BICRAL: variants seen among roughly 807,000 people sequenced by gnomAD.
The protein encoded by BICRAL is BRD4-interacting chromatin-remodeling complex-associated protein-like.
Under a neutral mutation model 91.8 loss-of-function variants are expected in BICRAL, and 8 were observed. The observed-to-expected ratio is 0.09, with a 90% CI of 0.05 to 0.16. The LOEUF (loss-of-function observed/expected upper bound fraction) is 0.16, where lower values mean the gene tolerates loss of function less well. BICRAL is among the 10% of genes least tolerant of loss of function. The probability of loss-of-function intolerance (pLI) is 1.00; values close to 1 mark genes in which losing one functional copy is unlikely to be tolerated. For synonymous variants in BICRAL, 445 were observed against 491.1 expected (o/e 0.91, Z 1.24); for missense variants, 1,038 against 1,310.9 (o/e 0.79, Z 3.21).
chr6:42,747,811 T>G (rs55699781), intron 1 of BICRAL, among the ~76,000 whole-genome samples: 36 of 148,956 alleles, frequency 2.4e-4, no homozygotes, highest in South Asian at 4.2e-4. Flanking sequence ...TTTTGTTTTT[T>G]TTTTTTTTTT....
At chr6:42,839,532 C>T (rs1764728281) in intron 6 of BICRAL, among the ~76,000 whole-genome samples, 1 of 152,022 alleles carries the variant, frequency 6.6e-6, no homozygotes, top group Non-Finnish European at 1.5e-5. Flanking sequence ...AGCCCTCATA[C>T]TCCCTCAGCT....
Position 42,865,480 on chromosome 6 carries a change from C to T in BICRAL, c.*34C>T. The T allele has an allele frequency of 8.4e-7, 1 of 1,197,156 alleles. No individual in the cohort carries two copies. Among genetic ancestry groups the T allele is most frequent in the Non-Finnish European group, 1.2e-6 (1 of 857,566 alleles). The allele number at this position is 1,197,156 out of a possible 1,614,324, so 74.2% of individuals were successfully genotyped here. A position where few individuals can be genotyped will look rare whatever the true frequency, so the allele number is the denominator to read the frequency against. ...GTCCTCCCCCTACCCCGCCCCGAGA[C>T]CCCACCCCGAGACCCCACCCCGGAC... On this transcript the variant is annotated 3_prime_UTR_variant, in exon 13 of 13. Coordinates refer to ENST00000314073, the MANE Select transcript of BICRAL (RefSeq NM_001393499.1).
intron 11 of BICRAL, among the ~76,000 whole-genome samples, chr6:42,861,801 C>T (rs139353020): frequency 0.012 from 1,720 of 144,970 alleles, 21 homozygotes; most frequent in African/African-American, 0.041. Flanking sequence ...GAGTTTGAGA[C>T]CAGCCTGGCC....
chr6:42,758,579 G>C (rs530594139), intron 1 of BICRAL, among the ~76,000 whole-genome samples: 24 of 152,296 alleles, frequency 1.6e-4, no homozygotes, highest in African/African-American at 5.5e-4. Flanking sequence ...GATAATTACA[G>C]TGTGGTACGA....
At position 42,825,394 on chromosome 6, in the gene BICRAL, C is replaced by G. The variant is rs201350784; in HGVS notation, c.159+2391C>G. Among the ~76,000 whole-genome samples, 13 of 151,022 alleles carry G rather than the reference C, an allele frequency of 8.6e-5. No homozygotes were observed. In the East Asian group the frequency reaches 2.5e-3, roughly 30 times the overall value. ...CCTGGCTAACACGGTGAAACCCTGT[C>G]TCTACTAAAAATACAAAAAAATTAG... On this transcript the variant is annotated intron_variant, in intron 5 of 12. Transcript: ENST00000314073.
intron 1 of BICRAL, among the ~76,000 whole-genome samples, chr6:42,800,225 C>T (rs1763526496): frequency 1.3e-5 from 2 of 152,220 alleles, no homozygotes; most frequent in African/African-American, 4.8e-5. Flanking sequence ...CCACCATGCC[C>T]AGCTAATTTT....
intron 6 of BICRAL, among the ~76,000 whole-genome samples, chr6:42,830,767 C>T (rs1272273570): frequency 6.6e-6 from 1 of 152,056 alleles, no homozygotes; most frequent in Non-Finnish European, 1.5e-5. Context: ...AAGCACATAC[C>T]AGCACACCTA....
chr6:42,786,545 C>T (rs974041869), intron 1 of BICRAL, among the ~76,000 whole-genome samples: 3 of 152,024 alleles, frequency 2.0e-5, no homozygotes, highest in Non-Finnish European at 2.9e-5. Context: ...ATTTTAAGAC[C>T]GGCAAGATCT....
intron 1 of BICRAL, among the ~76,000 whole-genome samples, chr6:42,752,491 A>G (rs988113129): frequency 4.6e-5 from 7 of 152,096 alleles, no homozygotes; most frequent in African/African-American, 1.4e-4. Flanking sequence ...CTCTCACCCA[A>G]GCTGGAGTGC....
At position 42,862,513 on chromosome 6, in the gene BICRAL, A is replaced by G. The variant is rs772481335; in HGVS notation, c.2353A>G (p.Ile785Val). The change falls in exon 12 of 13, where the codon ATC (isoleucine) becomes GTC (valine). Residue 785 changes from isoleucine to valine, a missense_variant. Physicochemically the swap from Ile to Val is conservative, Grantham distance 29. Transcript: ENST00000314073. The stretch of plus-strand genomic sequence containing the variant: ...GACTGGCCTCTCTCTTTTTCAGCGA[A>G]TCAATCCCTCTGCTGAGATGGTGAT... ...RCLLLEDAMR[I>V]NPSAEMVMID... The G allele has an allele frequency of 1.7e-5, 27 of 1,598,628 alleles. No homozygotes were observed. Among genetic ancestry groups the G allele is most frequent in the Non-Finnish European group, 2.1e-5 (25 of 1,166,634 alleles).
At chr6:42,766,257 G>A (rs745402458) in intron 1 of BICRAL, among the ~76,000 whole-genome samples, 1 of 152,166 alleles carries the variant, frequency 6.6e-6, no homozygotes, top group Non-Finnish European at 1.5e-5. Flanking sequence ...TTTGCCCAGA[G>A]CTGGGGCTTT....
intron 1 of BICRAL, among the ~76,000 whole-genome samples, chr6:42,809,430 A>ATTTTTTTTTTTTTTTTTTTTTTT (rs989054840): frequency 8.9e-6 from 1 of 111,946 alleles, no homozygotes; most frequent in African/African-American, 3.3e-5. Flanking sequence ...AACTATGAGA[A>ATTTTTTTTTTTTTTTTTTTTTTT]TTTTTTTTTT....
chr6:42,798,624 A>AG (rs111908186), intron 1 of BICRAL, among the ~76,000 whole-genome samples: 1 of 152,148 alleles, frequency 6.6e-6, no homozygotes, highest in Non-Finnish European at 1.5e-5. Flanking sequence ...TAAACCCAGG[A>AG]GGGGGAGGTT....
At chr6:42,815,984 C>CA (rs746928245) in intron 2 of BICRAL, among the ~76,000 whole-genome samples, 4,078 of 38,456 alleles carry the variant, frequency 0.11, 197 homozygotes, top group Non-Finnish European at 0.15. Flanking sequence ...AACTCTGTCT[C>CA]AAAAAAAAAA....
At chr6:42,855,127 C>T (rs1000038181) in intron 8 of BICRAL, among the ~76,000 whole-genome samples, 12 of 152,090 alleles carry the variant, frequency 7.9e-5, no homozygotes, top group East Asian at 1.9e-4. Flanking sequence ...AAAAATGCCT[C>T]GTTAGATCAC....
intron 11 of BICRAL, 24 bp downstream of exon 11, chr6:42,860,380 T>G: frequency 7.1e-7 from 1 of 1,411,362 alleles, no homozygotes; most frequent in Non-Finnish European, 1.0e-6. Flanking sequence ...TACTGATATT[T>G]GTTCTTTAAA....
intron 2 of BICRAL, among the ~76,000 whole-genome samples, chr6:42,814,494 T>C (rs1293504628): frequency 2.5e-5 from 2 of 80,124 alleles, no homozygotes; most frequent in Non-Finnish European, 4.8e-5. Flanking sequence ...TGTGTGTGTG[T>C]GTGTGTATAT....
chr6:42,856,021 A>G lies in BICRAL; in HGVS notation c.2108+104A>G, dbSNP rs945858159. The G allele has an allele frequency of 5.3e-6, 5 of 942,338 alleles. No individual in the cohort carries two copies. The East Asian group carries it at 1.2e-4, about 23-fold the overall frequency. The allele number at this position is 942,338 out of a possible 1,614,324, so 58.4% of individuals were successfully genotyped here. On this transcript the variant is annotated intron_variant, in intron 9 of 12. Coordinates refer to ENST00000314073, the MANE Select transcript of BICRAL (RefSeq NM_001393499.1). Reference sequence around the variant, plus strand: ...AACAGGTTATAATAATGAGTATATTAGCCTTTTTAAAAATGTACTTTGAGG... The same window carrying G: ...AACAGGTTATAATAATGAGTATATTGGCCTTTTTAAAAATGTACTTTGAGG...
At chr6:42,848,211 C>T (rs1262346792) in intron 6 of BICRAL, among the ~76,000 whole-genome samples, 1 of 151,546 alleles carries the variant, frequency 6.6e-6, no homozygotes, top group Non-Finnish European at 1.5e-5. Flanking sequence ...AAGATCACAC[C>T]ACTGCACTCC....
Sources: allele counts gnomAD v4.1 joint callset (sites outside exome capture counted in the v4.1 genomes callset), GRCh38; gene constraint gnomAD v4.1.1; transcripts MANE v1.5; gene names NCBI Gene and HGNC (gene_info 2026-07-23, HGNC 2026-07-21).